MPHOSPH6: variants seen among roughly 807,000 people sequenced by gnomAD.
MPHOSPH6 encodes the protein M-phase phosphoprotein 6.
A neutral mutation model predicts 21.8 loss-of-function variants in MPHOSPH6; 25 were observed. The observed-to-expected ratio is 1.15, with a 90% CI of 0.83 to 1.60. MPHOSPH6 has a LOEUF of 1.60. MPHOSPH6 is among the 40% of genes most tolerant of loss of function. The pLI, the probability that MPHOSPH6 is intolerant of heterozygous loss-of-function variation, is 0.00. For missense variants in MPHOSPH6, 269 were observed against 181.8 expected, an observed-to-expected ratio of 1.48 and a Z score of -2.76; for synonymous variants, 84 against 56.5, an observed-to-expected ratio of 1.49 and a Z score of -2.18.
intron 2 of MPHOSPH6, among the ~76,000 whole-genome samples, chr16:82,155,721 C>A (rs140893361): frequency 1.3e-5 from 2 of 151,958 alleles, no homozygotes. Flanking sequence ...CTGGCCAACA[C>A]GGAGAAACAG....
At chr16:82,168,678 C>T (rs140656148) in intron 1 of MPHOSPH6, among the ~76,000 whole-genome samples, 15 of 152,186 alleles carry the variant, frequency 9.9e-5, no homozygotes, top group African/African-American at 2.9e-4. Flanking sequence ...CACCATGTTG[C>T]CCAGGATGGT....
chr16:82,159,689 A>G (rs1219775107), intron 2 of MPHOSPH6, among the ~76,000 whole-genome samples: 1 of 152,182 alleles, frequency 6.6e-6, no homozygotes, highest in African/African-American at 2.4e-5. Context: ...TACAGGTGTG[A>G]GCCACCGTGC....
At position 82,164,240 on chromosome 16, in the gene MPHOSPH6, G is replaced by A. The variant is rs201081841; in HGVS notation, c.52-46C>T. 1.9e-4 allele frequency: 232 copies of A among 1,253,880 alleles called. No individual in the cohort carries two copies. In the African/African-American group the frequency reaches 3.2e-3, roughly 17 times the overall value. 77.7% of individuals were successfully genotyped at this position (1,253,880 alleles called of 1,614,324 possible). ...AATGTCAGAAACTTTTCCCATTTTA[G>A]AACTGAGGAAACCCCAAATAATTTT... On this transcript the variant is annotated intron_variant, in intron 1 of 4. Transcript: ENST00000258169.
At chr16:82,169,053 G>C (rs1317554510) in intron 1 of MPHOSPH6, among the ~76,000 whole-genome samples, 1 of 152,194 alleles carries the variant, frequency 6.6e-6, no homozygotes, top group Non-Finnish European at 1.5e-5. Flanking sequence ...ACCTCAAAGT[G>C]TCATTATGTG....
chr16:82,158,736 A>T (rs939319908), intron 2 of MPHOSPH6, among the ~76,000 whole-genome samples: 1 of 152,204 alleles, frequency 6.6e-6, no homozygotes, highest in African/African-American at 2.4e-5. Flanking sequence ...CAAGCTTTCA[A>T]GCAAAAGTTA....
At chr16:82,156,869 C>A (rs1157458961) in intron 2 of MPHOSPH6, among the ~76,000 whole-genome samples, 1 of 152,038 alleles carries the variant, frequency 6.6e-6, no homozygotes, top group East Asian at 1.9e-4. Flanking sequence ...AGTTCAAGAC[C>A]AGCCTGGCCA....
chr16:82,151,973 T>G (rs886432357), intron 2 of MPHOSPH6, among the ~76,000 whole-genome samples: 1 of 152,204 alleles, frequency 6.6e-6, no homozygotes. Context: ...TTGTCTTTCG[T>G]TCTCAGGGAT....
chr16:82,152,112 T>C (rs1280456496), intron 2 of MPHOSPH6, among the ~76,000 whole-genome samples: 1 of 152,252 alleles, frequency 6.6e-6, no homozygotes, highest in African/African-American at 2.4e-5. Context: ...GGACTGTTAG[T>C]ATATTTGAAT....
At chr16:82,152,062 T>G (rs553368795) in intron 2 of MPHOSPH6, among the ~76,000 whole-genome samples, 8 of 152,226 alleles carry the variant, frequency 5.3e-5, no homozygotes, top group Admixed American at 3.3e-4. Context: ...AAGTATGAGT[T>G]TATAAACTGC....
At chr16:82,161,220 T>C (rs1388201115) in intron 2 of MPHOSPH6, among the ~76,000 whole-genome samples, 1 of 152,182 alleles carries the variant, frequency 6.6e-6, no homozygotes, top group Admixed American at 6.5e-5. Context: ...CTGTCTTTTG[T>C]TACAGGGACC....
intron 2 of MPHOSPH6, among the ~76,000 whole-genome samples, chr16:82,155,881 G>C (rs7184881): frequency 0.066 from 10,056 of 151,368 alleles, 634 homozygotes; most frequent in African/African-American, 0.16. Context: ...CTCCAGCCTG[G>C]GTGACAGAGT....
rs191256844 is a variant in MPHOSPH6, at chr16:82,157,681, G to C, written c.165-6167C>G. Among the ~76,000 whole-genome samples, 551 of 119,056 alleles carry C rather than the reference G, an allele frequency of 4.6e-3. 3 individuals carry two copies. Among genetic ancestry groups the C allele is most frequent in the African/African-American group, 0.014 (528 of 37,136 alleles). The allele number at this position is 119,056 out of a possible 152,430, so 78.1% of individuals were successfully genotyped here. On this transcript the variant is annotated intron_variant, in intron 2 of 4. Transcript: ENST00000258169. ...AAGGGGAGATACTGAGGGCAGACTA[G>C]AGGAGAGGCGTCTTTTAAAAGAGTG...
intron 2 of MPHOSPH6, among the ~76,000 whole-genome samples, chr16:82,163,487 T>C (rs540339344): frequency 6.6e-6 from 1 of 152,292 alleles, no homozygotes; most frequent in South Asian, 2.1e-4. Context: ...CTGGGCAAGT[T>C]ACCCTCCCTT....
intron 2 of MPHOSPH6, among the ~76,000 whole-genome samples, chr16:82,162,597 C>A (rs180839191): frequency 6.6e-6 from 1 of 152,186 alleles, no homozygotes; most frequent in Non-Finnish European, 1.5e-5. Context: ...CCCACCCACC[C>A]GTTGACTCTG....
intron 2 of MPHOSPH6, among the ~76,000 whole-genome samples, chr16:82,151,999 C>G (rs770596235): frequency 2.0e-5 from 3 of 152,164 alleles, no homozygotes; most frequent in Non-Finnish European, 4.4e-5. Context: ...AAATTCCATT[C>G]TCTAATTATC....
intron 2 of MPHOSPH6, among the ~76,000 whole-genome samples, chr16:82,152,343 C>T (rs1262413284): frequency 1.3e-5 from 2 of 152,122 alleles, no homozygotes; most frequent in Admixed American, 1.3e-4. Context: ...AGTGGGAAAT[C>T]AGAGGCTTGA....
At chr16:82,166,323 T>G (rs1002563827) in intron 1 of MPHOSPH6, among the ~76,000 whole-genome samples, 1 of 152,260 alleles carries the variant, frequency 6.6e-6, no homozygotes, top group Non-Finnish European at 1.5e-5. Flanking sequence ...AACTGCAGTT[T>G]CTGGAATGTG....
intron 1 of MPHOSPH6, 171 bp downstream of exon 1, chr16:82,169,954 G>C (rs1402959521): frequency 9.3e-6 from 7 of 750,258 alleles, no homozygotes; most frequent in Admixed American, 4.3e-5. Flanking sequence ...TCGTAAGCTG[G>C]TTCCCAGTAA....
At chr16:82,162,036 C>G (rs914352467) in intron 2 of MPHOSPH6, among the ~76,000 whole-genome samples, 1 of 152,222 alleles carries the variant, frequency 6.6e-6, no homozygotes, top group Non-Finnish European at 1.5e-5. Flanking sequence ...AATGGGTGTA[C>G]TTCATATATT....
Sources: gnomAD v4.1 joint callset for allele counts (sites outside exome capture counted in the v4.1 genomes callset) on GRCh38, gnomAD v4.1.1 for gene constraint, MANE v1.5 for transcripts, NCBI Gene and HGNC (gene_info 2026-07-23, HGNC 2026-07-21) for gene names.